Variants in PCDHGB1 observed in about 807,000 individuals in gnomAD.
PCDHGB1 encodes the protein protocadherin gamma subfamily B, 1.
PCDHGB1 carries 34 observed loss-of-function variants against 56.6 expected under a neutral mutation model. The observed-to-expected ratio is 0.60, with a 90% CI of 0.46 to 0.80. The LOEUF (loss-of-function observed/expected upper bound fraction) is 0.80. PCDHGB1 is among the 30% of genes least tolerant of loss of function. The probability of loss-of-function intolerance (pLI) is 0.00; values close to 1 mark genes in which losing one functional copy is unlikely to be tolerated. For missense variants in PCDHGB1, 1,278 were observed against 1,204.6 expected (o/e 1.06, Z -0.90); for synonymous variants, 561 against 505.9 (o/e 1.11, Z -1.46).
chr5:141,356,131 G>C (rs1760119360), intron 1 of PCDHGB1: 1 of 1,613,690 alleles, frequency 6.2e-7, no homozygotes, highest in African/African-American at 1.3e-5. Flanking sequence ...AGATTATGAG[G>C]ACTCTGGATT....
intron 1 of PCDHGB1, among the ~76,000 whole-genome samples, chr5:141,453,673 AC>A (rs1459216908): frequency 6.6e-6 from 1 of 152,230 alleles, no homozygotes; most frequent in African/African-American, 2.4e-5. Flanking sequence ...ACAAAAGGTA[AC>A]ACACTATGTA....
intron 1 of PCDHGB1, chr5:141,417,573 C>A: frequency 2.7e-6 from 1 of 377,070 alleles, no homozygotes; most frequent in Non-Finnish European, 4.7e-6. Flanking sequence ...AGTCAAGTTG[C>A]AGTCCCACAC....
Position 141,489,263 on chromosome 5 carries a change from A to G in PCDHGB1, c.2410-5544A>G. The G allele has an allele frequency of 6.4e-7, 1 of 1,552,104 alleles. No homozygotes were observed. Among genetic ancestry groups the G allele is most frequent in the South Asian group, 1.3e-5 (1 of 79,626 alleles). On this transcript the variant is annotated intron_variant, in intron 1 of 3. Transcript: ENST00000523390. This position sits in a 1 kb window ranked among gnomAD's most constrained non-coding sequence, Gnocchi z 4.5. ...GTCATGGGGCCCAAGACACTCCCAC[A>G]GCTCGCTGGGAAATGGCAAGTGCTG...
At chr5:141,401,610 A>AC (rs1186420148) in intron 1 of PCDHGB1, among the ~76,000 whole-genome samples, 1 of 152,212 alleles carries the variant, frequency 6.6e-6, no homozygotes, top group Non-Finnish European at 1.5e-5. Flanking sequence ...GGAAAAAGAC[A>AC]CCGGATTTGT....
intron 1 of PCDHGB1, among the ~76,000 whole-genome samples, chr5:141,454,658 G>A (rs961640658): frequency 7.2e-5 from 11 of 151,812 alleles, no homozygotes; most frequent in Admixed American, 6.6e-5. Context: ...TGCCCACCTC[G>A]GCCTCCCAAA....
chr5:141,398,686 G>T (rs2093688431), intron 1 of PCDHGB1: 6 of 1,613,920 alleles, frequency 3.7e-6, no homozygotes, highest in Non-Finnish European at 5.1e-6. Context: ...GGAGAAACAG[G>T]ATGGTAGTAA....
In PCDHGB1 at chr5:141,476,141, G is replaced by A. The variant is rs1011341002; in HGVS notation, c.2410-18666G>A. On this transcript the variant is annotated intron_variant, in intron 1 of 3. Coordinates refer to ENST00000523390, the MANE Select transcript of PCDHGB1 (RefSeq NM_018922.3). This position sits in a 1 kb window ranked among gnomAD's most constrained non-coding sequence, Gnocchi z 7.6. ...GATGGTCCCAGAGGCCTGGAGGAGCGGACTGGTAAGCACCGGGAGGGTAGT... is the reference window on the plus strand; with the variant it reads ...GATGGTCCCAGAGGCCTGGAGGAGCAGACTGGTAAGCACCGGGAGGGTAGT... 5.6e-6 allele frequency: 9 copies of A among 1,609,928 alleles called. No homozygotes were observed. Among genetic ancestry groups the A allele is most frequent in the Non-Finnish European group, 7.6e-6 (9 of 1,178,880 alleles).
Position 141,476,023 on chromosome 5 carries a change from G to A in PCDHGB1, c.2410-18784G>A. 1 of 1,415,690 alleles carries A rather than the reference G, an allele frequency of 7.1e-7. No homozygotes were observed. The highest frequency in any genetic ancestry group is 2.3e-5 in the Admixed American group (1 of 43,980). 87.7% of individuals were successfully genotyped at this position (1,415,690 alleles called of 1,614,324 possible). A position where few individuals can be genotyped will look rare whatever the true frequency, so the allele number is the denominator to read the frequency against. ...CATCCAGAAAGCCATGTCGGACTCG[G>A]CGCCCAGCGCCCAAGCGCTAACCCG... On this transcript the variant is annotated intron_variant, in intron 1 of 3. Coordinates refer to ENST00000523390, the MANE Select transcript of PCDHGB1 (RefSeq NM_018922.3). This position sits in a 1 kb window ranked among gnomAD's most constrained non-coding sequence, Gnocchi z 7.6.
intron 1 of PCDHGB1, chr5:141,361,375 G>A (rs267600451): frequency 1.4e-5 from 23 of 1,613,956 alleles, no homozygotes; most frequent in South Asian, 1.3e-4. Context: ...GGACCGGGAG[G>A]AGATCCCAGA....
chr5:141,470,459 A>T (rs59770804), intron 1 of PCDHGB1, among the ~76,000 whole-genome samples: 32,627 of 152,034 alleles, frequency 0.21, 3,610 homozygotes, highest in African/African-American at 0.27. Context: ...CTTGAATAGG[A>T]TTTTCTGATA....
intron 3 of PCDHGB1, among the ~76,000 whole-genome samples, chr5:141,508,984 C>G (rs1039260828): frequency 4.7e-4 from 72 of 152,154 alleles, no homozygotes; most frequent in African/African-American, 1.7e-3. Context: ...GGGTGGGGGC[C>G]AGCTGGGGTA....
chr5:141,394,962 A>G (rs971000405), intron 1 of PCDHGB1: 8 of 1,613,710 alleles, frequency 5.0e-6, no homozygotes, highest in Non-Finnish European at 6.8e-6. Context: ...GCTCAGGCTG[A>G]GGCGCTGGCA....
chr5:141,404,917 G>T (rs750464541), intron 1 of PCDHGB1: 6 of 1,613,652 alleles, frequency 3.7e-6, no homozygotes, highest in East Asian at 2.2e-5. Flanking sequence ...CCCCTCTCTC[G>T]GCCACTGTCA....
intron 1 of PCDHGB1, chr5:141,419,208 C>T: frequency 6.2e-7 from 1 of 1,613,966 alleles, no homozygotes; most frequent in Non-Finnish European, 8.5e-7. Flanking sequence ...GACAACGCGC[C>T]GGTTTTCGGA....
chr5:141,351,135 C>T lies in PCDHGB1; in HGVS notation c.875C>T (p.Pro292Leu), dbSNP rs1376583429. 2 of 1,613,920 alleles carry T rather than the reference C, an allele frequency of 1.2e-6. No individual in the cohort carries two copies. Among genetic ancestry groups the T allele is most frequent in the Admixed American group, 1.7e-5 (1 of 60,008 alleles). ...AGTACCAGCCTCTTCAATCTCAATC[C>T]AAATACTGGCGACATCACAACCAAT... is the stretch of plus-strand genomic sequence containing the variant. ...PISTSLFNLN[P>L]NTGDITTNGT... Residue 292 changes from proline (P) to leucine (L), a missense_variant, in exon 1 of 4, where the codon CCA (proline) becomes CTA (leucine). Transcript: ENST00000523390.
At chr5:141,418,603 G>C in intron 1 of PCDHGB1, 1 of 1,614,020 alleles carries the variant, frequency 6.2e-7, no homozygotes, top group Non-Finnish European at 8.5e-7. Context: ...ACGTGTACAG[G>C]GTTAGCCTTC....
At chr5:141,404,080 C>T (rs369802030) in intron 1 of PCDHGB1, 6 of 1,613,516 alleles carry the variant, frequency 3.7e-6, no homozygotes, top group Non-Finnish European at 4.2e-6. Context: ...ACCGAGACTC[C>T]GGGAAGAATG....
At chr5:141,457,864 C>T (rs962336979) in intron 1 of PCDHGB1, among the ~76,000 whole-genome samples, 5 of 152,166 alleles carry the variant, frequency 3.3e-5, no homozygotes, top group African/African-American at 4.8e-5. Flanking sequence ...CTTCACTGAC[C>T]ACAGGTTAGG....
chr5:141,470,652 C>T (rs923672818), intron 1 of PCDHGB1, among the ~76,000 whole-genome samples: 1 of 152,100 alleles, frequency 6.6e-6, no homozygotes, highest in African/African-American at 2.4e-5. Context: ...AAGGCCCCTA[C>T]CCTTTGGTTA....
Sources: gnomAD v4.1 joint callset for allele counts (sites outside exome capture counted in the v4.1 genomes callset) on GRCh38, gnomAD v4.1.1 for gene constraint, Gnocchi (gnomAD v3.1) non-coding constraint, MANE v1.5 for transcripts, NCBI Gene and HGNC (gene_info 2026-07-23, HGNC 2026-07-21) for gene names.